Variants in VTI1A observed in about 807,000 individuals in gnomAD.
VTI1A encodes the protein vesicle transport through interaction with t-SNAREs homolog 1A.
VTI1A carries 22 observed loss-of-function variants against 34.9 expected under a neutral mutation model. The observed-to-expected ratio is 0.63, with a 90% CI of 0.45 to 0.90. VTI1A has a LOEUF of 0.90. Among genes scored for constraint, VTI1A ranks in the 40% least tolerant of loss-of-function variants. VTI1A has a pLI of 0.00. For synonymous variants in VTI1A, 87 were observed against 97.3 expected (o/e 0.89, Z 0.62); for missense variants, 268 against 275.6 (o/e 0.97, Z 0.20).
At chr10:112,605,594 A>G (rs11815794) in intron 5 of VTI1A, among the ~76,000 whole-genome samples, 5,204 of 152,256 alleles carry the variant, frequency 0.034, 310 homozygotes, top group African/African-American at 0.12. Flanking sequence ...AGATATCTGG[A>G]GACAAGCAAG....
At chr10:112,559,755 G>C (rs562789686) in intron 5 of VTI1A, among the ~76,000 whole-genome samples, 124 of 152,298 alleles carry the variant, frequency 8.1e-4, no homozygotes, top group South Asian at 3.5e-3. Flanking sequence ...TGTACACACA[G>C]AGCCACACAG....
chr10:112,839,799 G>A, the VTI1A span, among the ~76,000 whole-genome samples: 3 of 152,196 alleles, frequency 2.0e-5, no homozygotes, highest in South Asian at 6.2e-4. Context: ...TCAGGAGGGA[G>A]GAGCGCCTAC....
At chr10:112,556,147 C>G (rs1851535927) in intron 5 of VTI1A, among the ~76,000 whole-genome samples, 1 of 91,508 alleles carries the variant, frequency 1.1e-5, no homozygotes, top group Non-Finnish European at 2.5e-5. Context: ...TTCGCATACA[C>G]TTTTCATGTG....
chr10:112,717,285 C>T (rs924113219), intron 7 of VTI1A, among the ~76,000 whole-genome samples: 2 of 152,194 alleles, frequency 1.3e-5, no homozygotes, highest in Non-Finnish European at 2.9e-5. Context: ...GATGATGTGA[C>T]TCTCCATTCA....
At chr10:112,842,812 T>C in the VTI1A span, among the ~76,000 whole-genome samples, 1 of 152,140 alleles carries the variant, frequency 6.6e-6, no homozygotes. Context: ...TCCCTGCCCT[T>C]AAGGTGTTAA....
At chr10:112,611,882 C>T (rs979877111) in intron 5 of VTI1A, among the ~76,000 whole-genome samples, 1 of 151,572 alleles carries the variant, frequency 6.6e-6, no homozygotes, top group Non-Finnish European at 1.5e-5. Context: ...GCTGGGACTA[C>T]AGGCGCCTGC....
intron 5 of VTI1A, among the ~76,000 whole-genome samples, chr10:112,588,224 C>T (rs1844237248): frequency 6.6e-6 from 1 of 151,870 alleles, no homozygotes; most frequent in East Asian, 1.9e-4. Context: ...TCTAAGTGGC[C>T]TAGAGCAAAA....
At chr10:112,630,237 G>A (rs993923356) in intron 5 of VTI1A, among the ~76,000 whole-genome samples, 1 of 152,168 alleles carries the variant, frequency 6.6e-6, no homozygotes, top group African/African-American at 2.4e-5. Context: ...GCACAGGACA[G>A]CAGAGCATCC....
intron 4 of VTI1A, among the ~76,000 whole-genome samples, chr10:112,527,847 G>A (rs1163725259): frequency 2.6e-5 from 4 of 151,948 alleles, no homozygotes; most frequent in Admixed American, 6.6e-5. Flanking sequence ...GGATCATACC[G>A]TAGTGTCATG....
intron 5 of VTI1A, among the ~76,000 whole-genome samples, chr10:112,545,377 A>G (rs1851038342): frequency 6.6e-6 from 1 of 152,258 alleles, no homozygotes; most frequent in African/African-American, 2.4e-5. Flanking sequence ...CAAGTTTATG[A>G]TAATATTTTA....
chr10:112,576,550 A>G (rs77834331), intron 5 of VTI1A, among the ~76,000 whole-genome samples: 1 of 152,358 alleles, frequency 6.6e-6, no homozygotes, highest in African/African-American at 2.4e-5. Context: ...TACATTTTAA[A>G]TATATTCTTG....
At chr10:112,523,163 G>A (rs996320419) in intron 3 of VTI1A, among the ~76,000 whole-genome samples, 1 of 152,060 alleles carries the variant, frequency 6.6e-6, no homozygotes, top group African/African-American at 2.4e-5. Flanking sequence ...GTTCAGTTGG[G>A]AAATGTCAAG....
chr10:112,534,034 AAC>A (rs1250287897), intron 4 of VTI1A, among the ~76,000 whole-genome samples: 1 of 152,158 alleles, frequency 6.6e-6, no homozygotes, highest in Non-Finnish European at 1.5e-5. Flanking sequence ...CTTTTGGGGA[AAC>A]ACACATATGT....
intron 5 of VTI1A, among the ~76,000 whole-genome samples, chr10:112,616,203 G>C (rs1456415081): frequency 6.6e-6 from 1 of 152,188 alleles, no homozygotes; most frequent in Non-Finnish European, 1.5e-5. Flanking sequence ...AAGTGTACAA[G>C]AAAGCCCAAG....
chr10:112,647,388 T>C lies in VTI1A; in HGVS notation c.428-20830T>C, dbSNP rs538907550. ...AGATATAATCAGAGTCAGGCTCTGC[T>C]TATAAAATCATCAACACACTATTTC... On this transcript the variant is annotated intron_variant, in intron 5 of 7. Transcript: ENST00000393077. 2.4e-4 allele frequency among the ~76,000 whole-genome samples: 36 copies of C among 152,220 alleles called. 1 individual carries two copies. The highest frequency in any genetic ancestry group is 4.1e-4 in the Non-Finnish European group (28 of 68,036).
At chr10:112,645,943 T>TG (rs139481347) in intron 5 of VTI1A, among the ~76,000 whole-genome samples, 1 of 12,130 alleles carries the variant, frequency 8.2e-5, no homozygotes, top group East Asian at 1.2e-3. Flanking sequence ...ATATACTGTG[T>TG]TTTTTTTTTT....
chr10:112,481,312 A>C (rs1030677493), intron 3 of VTI1A, among the ~76,000 whole-genome samples: 4 of 152,212 alleles, frequency 2.6e-5, no homozygotes, highest in African/African-American at 9.6e-5. Context: ...CCGCGACTGA[A>C]TAATGTTTCT....
chr10:112,496,923 A>T (rs1420113412), intron 3 of VTI1A, among the ~76,000 whole-genome samples: 1 of 152,246 alleles, frequency 6.6e-6, no homozygotes, highest in East Asian at 1.9e-4. Context: ...AAAAATAAAA[A>T]ATAAACAAGC....
At chr10:112,539,121 T>A (rs926677850) in intron 5 of VTI1A, among the ~76,000 whole-genome samples, 2 of 152,212 alleles carry the variant, frequency 1.3e-5, no homozygotes, top group South Asian at 4.1e-4. Flanking sequence ...CTACGCTTTT[T>A]ATTTTGTTTT....
Sources: allele counts gnomAD v4.1 joint callset (sites outside exome capture counted in the v4.1 genomes callset), GRCh38; gene constraint gnomAD v4.1.1; transcripts MANE v1.5; gene names NCBI Gene and HGNC (gene_info 2026-07-23, HGNC 2026-07-21).